The following FAM135B variants were observed in gnomAD, a reference collection of about 807,000 sequenced individuals.
The protein encoded by FAM135B is family with sequence similarity 135 member B.
Under a neutral mutation model 127.7 loss-of-function variants are expected in FAM135B, and 43 were observed. The ratio of observed to expected loss-of-function variants is 0.34; its 90% confidence interval spans 0.26 to 0.43. The LOEUF (loss-of-function observed/expected upper bound fraction) is 0.43. Ranked by LOEUF, FAM135B falls within the 20% of genes least tolerant of loss-of-function variation. The probability of loss-of-function intolerance (pLI) is 1.00; values close to 1 mark genes in which losing one functional copy is unlikely to be tolerated. For synonymous variants in FAM135B, 670 were observed against 665.1 expected (o/e 1.01, Z -0.11); for missense variants, 1,558 against 1,725.6 (o/e 0.90, Z 1.72).
chr8:138,236,023 G>C (rs1176607498), intron 7 of FAM135B, among the ~76,000 whole-genome samples: 2 of 152,130 alleles, frequency 1.3e-5, no homozygotes, highest in African/African-American at 4.8e-5. Context: ...GAACTGGGAG[G>C]CTCAATGTGC....
In FAM135B at chr8:138,141,065, C is replaced by T; in HGVS notation, c.3790+133G>A. ...AAGGGCCACACCTCTAAGGCCAGGA[C>T]TCCTCCCTCCATGCCATGCTTGGAA... On this transcript the variant is annotated intron_variant, in intron 17 of 19. Transcript: ENST00000395297. The surrounding 1 kb of genome is among the most constrained non-coding windows in gnomAD (Gnocchi z 4.7). 2.5e-6 allele frequency: 2 copies of T among 810,138 alleles called. No homozygotes were observed. Among genetic ancestry groups the T allele is most frequent in the Non-Finnish European group, 3.9e-6 (2 of 509,304 alleles). The allele number at this position is 810,138 out of a possible 1,614,324, so 50.2% of individuals were successfully genotyped here. A position where few individuals can be genotyped will look rare whatever the true frequency, so the allele number is the denominator to read the frequency against.
chr8:138,463,118 T>C (rs1357102850), intron 1 of FAM135B, among the ~76,000 whole-genome samples: 1 of 152,190 alleles, frequency 6.6e-6, no homozygotes, highest in East Asian at 1.9e-4. Context: ...TAAAAGGAAG[T>C]TTCTATTCCT....
chr8:138,259,383 C>T (rs954788967), intron 4 of FAM135B, among the ~76,000 whole-genome samples: 1 of 152,128 alleles, frequency 6.6e-6, no homozygotes, highest in African/African-American at 2.4e-5. Context: ...AGACCTGGGG[C>T]CAATCAACCT....
At chr8:138,491,157 A>G (rs1195109983) in intron 1 of FAM135B, among the ~76,000 whole-genome samples, 9 of 144,682 alleles carry the variant, frequency 6.2e-5, no homozygotes, top group South Asian at 2.1e-4. Flanking sequence ...AAAAAAAAAA[A>G]AAGAAAGAAA....
intron 1 of FAM135B, among the ~76,000 whole-genome samples, chr8:138,456,643 G>GA (rs997282766): frequency 5.9e-5 from 9 of 152,066 alleles, no homozygotes; most frequent in Non-Finnish European, 2.9e-5. Context: ...CCTCCAGCTG[G>GA]AAAAAACAAG....
intron 1 of FAM135B, among the ~76,000 whole-genome samples, chr8:138,425,964 C>G (rs1185732598): frequency 9.1e-6 from 1 of 110,004 alleles, no homozygotes; most frequent in Non-Finnish European, 1.9e-5. Flanking sequence ...GCCAGGCCAA[C>G]ATATATATAT....
chr8:138,377,728 A>T (rs763171721), intron 1 of FAM135B, among the ~76,000 whole-genome samples: 1 of 152,242 alleles, frequency 6.6e-6, no homozygotes, highest in Non-Finnish European at 1.5e-5. Context: ...TGAGATAGCC[A>T]TACTCAAACC....
intron 1 of FAM135B, among the ~76,000 whole-genome samples, chr8:138,476,092 A>T (rs1814416505): frequency 6.6e-6 from 1 of 152,212 alleles, no homozygotes; most frequent in South Asian, 2.1e-4. Context: ...GTATATTACT[A>T]AGTGAAATAA....
chr8:138,188,634 G>C (rs76546035), intron 9 of FAM135B, among the ~76,000 whole-genome samples: 2 of 152,160 alleles, frequency 1.3e-5, no homozygotes, highest in Non-Finnish European at 2.9e-5. Context: ...ACACAGGCCT[G>C]TTCACTATAA....
intron 2 of FAM135B, among the ~76,000 whole-genome samples, chr8:138,325,205 A>AT (rs1827717425): frequency 6.6e-6 from 1 of 152,186 alleles, no homozygotes; most frequent in Admixed American, 6.5e-5. Context: ...GGCACTTAAT[A>AT]AACATTTGTC....
chr8:138,473,128 T>C (rs1008933253), intron 1 of FAM135B, among the ~76,000 whole-genome samples: 22 of 152,188 alleles, frequency 1.4e-4, no homozygotes, highest in African/African-American at 5.3e-4. Context: ...GATCATGTGA[T>C]CTGCTTTTCT....
intron 1 of FAM135B, among the ~76,000 whole-genome samples, chr8:138,483,801 A>C (rs1814881126): frequency 6.6e-6 from 1 of 152,160 alleles, no homozygotes; most frequent in African/African-American, 2.4e-5. Flanking sequence ...ATCCAGTCTC[A>C]GTTTTAACTT....
At chr8:138,385,355 C>T (rs192241010) in intron 1 of FAM135B, among the ~76,000 whole-genome samples, 1 of 152,148 alleles carries the variant, frequency 6.6e-6, no homozygotes, top group African/African-American at 2.4e-5. Context: ...GAAAGCTGCA[C>T]CTCGTTTGTC....
chr8:138,378,280 T>A (rs931857102), intron 1 of FAM135B, among the ~76,000 whole-genome samples: 1 of 152,156 alleles, frequency 6.6e-6, no homozygotes. Context: ...GAGCACCTAC[T>A]GGTGGTGGCT....
chr8:138,461,340 G>C (rs1837108270), intron 1 of FAM135B, among the ~76,000 whole-genome samples: 1 of 152,120 alleles, frequency 6.6e-6, no homozygotes, highest in African/African-American at 2.4e-5. Context: ...AGGAAATAAA[G>C]CCAGATGTCA....
At chr8:138,436,827 A>G (rs1445196323) in intron 1 of FAM135B, 1 of 152,220 alleles carries the variant, frequency 6.6e-6, no homozygotes, top group East Asian at 1.9e-4. Flanking sequence ...CTTGTTCTGT[A>G]CAATGGAGAT....
chr8:138,202,911 A>G (rs1353107566), intron 7 of FAM135B, among the ~76,000 whole-genome samples: 4 of 152,146 alleles, frequency 2.6e-5, no homozygotes, highest in Non-Finnish European at 4.4e-5. Flanking sequence ...CAGAATCTGG[A>G]ATCAAATAGG....
intron 11 of FAM135B, among the ~76,000 whole-genome samples, chr8:138,172,016 A>G (rs1820501079): frequency 6.6e-6 from 1 of 152,186 alleles, no homozygotes; most frequent in Non-Finnish European, 1.5e-5. Flanking sequence ...TGCTGCATGC[A>G]CAAGTGCATG....
intron 1 of FAM135B, among the ~76,000 whole-genome samples, chr8:138,420,449 T>C (rs896040948): frequency 1.3e-5 from 2 of 152,102 alleles, no homozygotes; most frequent in Admixed American, 6.5e-5. Context: ...CCAAAACTAC[T>C]GAAATATTTT....
Sources: gnomAD v4.1 joint callset for allele counts (sites outside exome capture counted in the v4.1 genomes callset) on GRCh38, gnomAD v4.1.1 for gene constraint, Gnocchi (gnomAD v3.1) non-coding constraint, MANE v1.5 for transcripts, NCBI Gene and HGNC (gene_info 2026-07-23, HGNC 2026-07-21) for gene names.